ILRUN: variants seen among roughly 807,000 people sequenced by gnomAD.
ILRUN encodes the protein protein ILRUN.
ILRUN carries 3 observed loss-of-function variants against 33.8 expected under a neutral mutation model. The ratio of observed to expected loss-of-function variants is 0.09; its 90% CI spans 0.04 to 0.23. The LOEUF (loss-of-function observed/expected upper bound fraction) is 0.23. Ranked by LOEUF, ILRUN falls within the 10% of genes least tolerant of loss-of-function variation. The pLI, the probability that ILRUN is intolerant of heterozygous loss-of-function variation, is 1.00. For missense variants in ILRUN, 210 were observed against 375.1 expected, an observed-to-expected ratio of 0.56 and a Z score of 3.64; for synonymous variants, 124 against 138.9, an observed-to-expected ratio of 0.89 and a Z score of 0.75.
intron 2 of ILRUN, among the ~76,000 whole-genome samples, chr6:34,653,436 A>T (rs758398615): frequency 5.9e-5 from 9 of 151,936 alleles, no homozygotes; most frequent in Non-Finnish European, 1.2e-4. Context: ...ATGTTGGCCC[A>T]ACTGGTCTCC....
chr6:34,688,567 C>T (rs1763578497), intron 1 of ILRUN, among the ~76,000 whole-genome samples: 1 of 152,010 alleles, frequency 6.6e-6, no homozygotes, highest in Admixed American at 6.6e-5. Context: ...AATCCCAGCA[C>T]TTTGGGAGGC....
chr6:34,647,011 A>T (rs1362917875), intron 2 of ILRUN, among the ~76,000 whole-genome samples: 1 of 150,740 alleles, frequency 6.6e-6, no homozygotes, highest in Non-Finnish European at 1.5e-5. Context: ...CCCTATGAAG[A>T]AGCACAAAAG....
At chr6:34,695,634 C>T (rs1173845278) in intron 1 of ILRUN, among the ~76,000 whole-genome samples, 1 of 152,176 alleles carries the variant, frequency 6.6e-6, no homozygotes, top group Middle Eastern at 3.2e-3. Context: ...CCATTCCCAG[C>T]ATTCTGGTGA....
At chr6:34,680,430 C>T (rs1466262651) in intron 1 of ILRUN, among the ~76,000 whole-genome samples, 1 of 151,974 alleles carries the variant, frequency 6.6e-6, no homozygotes, top group Non-Finnish European at 1.5e-5. Context: ...TTTACCAGTT[C>T]TTTCTAATTT....
intron 3 of ILRUN, among the ~76,000 whole-genome samples, chr6:34,619,831 A>G (rs1035060645): frequency 6.6e-6 from 1 of 152,114 alleles, no homozygotes; most frequent in Admixed American, 6.6e-5. Flanking sequence ...CTAAAAATAC[A>G]AAAATTAGTC....
chr6:34,683,773 G>A (rs1763458334), intron 1 of ILRUN, among the ~76,000 whole-genome samples: 1 of 151,868 alleles, frequency 6.6e-6, no homozygotes, highest in South Asian at 2.1e-4. Context: ...TAAAAATCAG[G>A]ATATTTCAGC....
rs927293412 is a variant in ILRUN, at chr6:34,588,554, T to C, written c.*2011A>G. 5 of 239,264 alleles carry C rather than the reference T, an allele frequency of 2.1e-5. No homozygotes were observed. Among genetic ancestry groups the C allele is most frequent in the Non-Finnish European group, 4.0e-5 (5 of 124,970 alleles). The allele number at this position is 239,264 out of a possible 1,614,324, so 14.8% of individuals were successfully genotyped here. A position where few individuals can be genotyped will look rare whatever the true frequency, so the allele number is the denominator to read the frequency against. On this transcript the variant is annotated 3_prime_UTR_variant, in exon 5 of 5. Coordinates refer to ENST00000374023, the MANE Select transcript of ILRUN (RefSeq NM_024294.4). ...ACCAGCAGCAGCAGTCTGGGCCTAA[T>C]GAGGCCCTCAGACAAAAAGCCATCC...
chr6:34,625,846 C>CTTTTTTTTT (rs58219612), intron 3 of ILRUN, among the ~76,000 whole-genome samples: 2 of 114,250 alleles, frequency 1.8e-5, no homozygotes, highest in Non-Finnish European at 3.5e-5. Context: ...TATTGAAAGG[C>CTTTTTTTTT]TTTTTTTTTT....
rs1199633061 is a variant in ILRUN, at chr6:34,687,712, T to TATATATATATATATATTTATAAA, written c.158+8733_158+8734insTTTATAAATATATATATATATAT. 3.2e-3 allele frequency among the ~76,000 whole-genome samples: 409 copies of TATATATATATATATATTTATAAA among 129,832 alleles called. 1 individual carries two copies. Among genetic ancestry groups the TATATATATATATATATTTATAAA allele is most frequent in the Middle Eastern group, 0.015 (4 of 264 alleles). The allele number at this position is 129,832 out of a possible 152,430, so 85.2% of individuals were successfully genotyped here. The stretch of plus-strand genomic sequence containing the variant: ...GACTCCATCTCCAAAAAAAAAAATA[T>TATATATATATATATATTTATAAA]ATATATATATATATTTATAAAATAT... On this transcript the variant is annotated intron_variant, in intron 1 of 4. Transcript: ENST00000374023.
intron 1 of ILRUN, among the ~76,000 whole-genome samples, chr6:34,689,522 A>G (rs966354263): frequency 1.1e-4 from 17 of 152,122 alleles, no homozygotes; most frequent in African/African-American, 4.1e-4. Context: ...CCCTCTTCCT[A>G]AAACTACTAT....
chr6:34,665,623 CT>C (rs1420159955), intron 1 of ILRUN, among the ~76,000 whole-genome samples: 1 of 151,978 alleles, frequency 6.6e-6, no homozygotes, highest in East Asian at 1.9e-4. Context: ...GAGATAGGGT[CT>C]TGTTACATTT....
chr6:34,650,177 G>T (rs549174481), intron 2 of ILRUN, among the ~76,000 whole-genome samples: 8 of 152,084 alleles, frequency 5.3e-5, no homozygotes, highest in Non-Finnish European at 1.0e-4. Flanking sequence ...AGCTCTAGGT[G>T]CTGGTAAAGA....
intron 4 of ILRUN, among the ~76,000 whole-genome samples, chr6:34,599,757 T>C (rs1368857425): frequency 6.6e-6 from 1 of 152,190 alleles, no homozygotes; most frequent in Non-Finnish European, 1.5e-5. Context: ...AACAGCCCAC[T>C]TGACACCTCC....
At chr6:34,602,942 G>A (rs565713426) in intron 4 of ILRUN, among the ~76,000 whole-genome samples, 1 of 152,328 alleles carries the variant, frequency 6.6e-6, no homozygotes, top group African/African-American at 2.4e-5. Flanking sequence ...ACTGACAGAT[G>A]TGCCATTCTG....
At chr6:34,617,017 T>A (rs1761905681) in intron 3 of ILRUN, 1 of 537,786 alleles carries the variant, frequency 1.9e-6, no homozygotes, top group Non-Finnish European at 3.6e-6. Context: ...AGTGAGTTGC[T>A]CTGACAGACA....
chr6:34,609,447 G>A (rs940368697), intron 3 of ILRUN, among the ~76,000 whole-genome samples: 2 of 152,008 alleles, frequency 1.3e-5, no homozygotes, highest in African/African-American at 4.8e-5. Flanking sequence ...CTGAGATCGT[G>A]CCCCTGCACT....
At position 34,588,377 on chromosome 6, in the gene ILRUN, T is replaced by C. The variant is rs1052858075; in HGVS notation, c.*2188A>G. 1.3e-5 allele frequency: 5 copies of C among 397,294 alleles called. No individual in the cohort carries two copies. Among genetic ancestry groups the C allele is most frequent in the Non-Finnish European group, 2.2e-5 (5 of 225,866 alleles). 24.6% of individuals were successfully genotyped at this position (397,294 alleles called of 1,614,324 possible). On this transcript the variant is annotated 3_prime_UTR_variant, in exon 5 of 5. Coordinates refer to ENST00000374023, the MANE Select transcript of ILRUN (RefSeq NM_024294.4). Reference sequence around the variant, plus strand: ...GGAAACTGGGAAGGGGCACCCAGTGTTGGGCAGAAGAGGAAGTCAGGAAAG... The same window carrying C: ...GGAAACTGGGAAGGGGCACCCAGTGCTGGGCAGAAGAGGAAGTCAGGAAAG...
At chr6:34,624,876 C>T (rs540293406) in intron 3 of ILRUN, among the ~76,000 whole-genome samples, 1 of 152,288 alleles carries the variant, frequency 6.6e-6, no homozygotes, top group Admixed American at 6.5e-5. Flanking sequence ...TTGGTGAAAG[C>T]TTTTGCTTCC....
At chr6:34,659,603 C>T (rs745388090) in intron 1 of ILRUN, among the ~76,000 whole-genome samples, 5 of 139,694 alleles carry the variant, frequency 3.6e-5, no homozygotes, top group Non-Finnish European at 7.8e-5. Flanking sequence ...TGTATATATA[C>T]ATACATAAGG....
Sources: allele counts gnomAD v4.1 joint callset (sites outside exome capture counted in the v4.1 genomes callset), GRCh38; gene constraint gnomAD v4.1.1; transcripts MANE v1.5; gene names NCBI Gene and HGNC (gene_info 2026-07-23, HGNC 2026-07-21).